Variants in CCDC141 observed in about 807,000 individuals in gnomAD.
CCDC141 encodes coiled-coil domain-containing protein 141.
CCDC141 carries 168 observed loss-of-function variants against 181.0 expected under a neutral mutation model. The observed-to-expected ratio is 0.93, with a 90% CI of 0.82 to 1.05. The LOEUF (loss-of-function observed/expected upper bound fraction) is 1.05. Ranked by LOEUF, CCDC141 falls within the 50% of genes least tolerant of loss-of-function variation. The pLI is 0.00. For missense variants in CCDC141, 1,902 were observed against 1,788.5 expected (o/e 1.06, Z -1.14); for synonymous variants, 666 against 642.3 (o/e 1.04, Z -0.56).
chr2:178,971,912 C>G (rs1690907864), intron 4 of CCDC141, among the ~76,000 whole-genome samples: 1 of 151,912 alleles, frequency 6.6e-6, no homozygotes, highest in Admixed American at 6.6e-5. Flanking sequence ...ACATCACACA[C>G]CGGGGCCTGT....
At chr2:178,932,000 T>C (rs1043017047) in intron 6 of CCDC141, among the ~76,000 whole-genome samples, 3 of 151,956 alleles carry the variant, frequency 2.0e-5, no homozygotes, top group African/African-American at 7.3e-5. Flanking sequence ...ACCCCGTCTC[T>C]ACTAAAAATT....
At chr2:179,018,432 A>T (rs2042605190) in intron 2 of CCDC141, among the ~76,000 whole-genome samples, 1 of 152,192 alleles carries the variant, frequency 6.6e-6, no homozygotes. Context: ...ACAAATTTTT[A>T]AAAACTTGGG....
intron 17 of CCDC141, among the ~76,000 whole-genome samples, chr2:178,861,168 CTTT>C (rs869078606): frequency 6.9e-6 from 1 of 144,684 alleles, no homozygotes; most frequent in Admixed American, 6.9e-5. Context: ...GATGTTTGTG[CTTT>C]TTTTTTTTTC....
At chr2:179,015,766 A>T (rs2042507928) in intron 2 of CCDC141, among the ~76,000 whole-genome samples, 1 of 137,340 alleles carries the variant, frequency 7.3e-6, no homozygotes, top group Non-Finnish European at 1.6e-5. Context: ...CATATATATC[A>T]TATATATCTC....
At chr2:178,918,184 A>G (rs1225444869) in intron 7 of CCDC141, among the ~76,000 whole-genome samples, 3 of 151,934 alleles carry the variant, frequency 2.0e-5, no homozygotes, top group African/African-American at 7.3e-5. Context: ...CCAGCGCAGG[A>G]GGATCACTTG....
At chr2:178,825,357 T>C (rs1205857912), downstream of CCDC141, 2 of 152,142 alleles carry the variant, frequency 1.3e-5, no homozygotes, top group Admixed American at 1.3e-4. Flanking sequence ...GATGACCAAC[T>C]GGTAAATCAT....
At chr2:178,988,212 C>T (rs895516567) in intron 2 of CCDC141, among the ~76,000 whole-genome samples, 12 of 151,280 alleles carry the variant, frequency 7.9e-5, no homozygotes, top group African/African-American at 2.2e-4. Context: ...AGTAAACTAT[C>T]GCAAGAACAA....
chr2:178,860,377 A>G (rs952827602), intron 17 of CCDC141, among the ~76,000 whole-genome samples: 3 of 151,858 alleles, frequency 2.0e-5, no homozygotes, highest in Non-Finnish European at 2.9e-5. Flanking sequence ...TACTAAAAAT[A>G]CAAAAATCAG....
At chr2:178,980,138 G>A (rs542735252) in intron 2 of CCDC141, among the ~76,000 whole-genome samples, 2 of 152,258 alleles carry the variant, frequency 1.3e-5, no homozygotes, top group Admixed American at 1.3e-4. Flanking sequence ...ACAGCTGAAA[G>A]ATGTCAATAA....
intron 2 of CCDC141, among the ~76,000 whole-genome samples, chr2:178,986,682 C>T (rs1691760737): frequency 6.6e-6 from 1 of 151,798 alleles, no homozygotes; most frequent in African/African-American, 2.4e-5. Flanking sequence ...AACAGACAAA[C>T]AGAGAGCCAA....
At chr2:178,891,136 T>C (rs1687129229) in intron 8 of CCDC141, among the ~76,000 whole-genome samples, 1 of 152,222 alleles carries the variant, frequency 6.6e-6, no homozygotes, top group African/African-American at 2.4e-5. Context: ...GTTATACATG[T>C]TACCTTCAGG....
intron 13 of CCDC141, 51 bp downstream of exon 13, chr2:178,872,082 G>T: frequency 6.4e-7 from 1 of 1,566,974 alleles, no homozygotes; most frequent in Admixed American, 1.8e-5. Context: ...GCTCATGTTA[G>T]CCTGTGTCGG....
chr2:179,022,475 C>T (rs568400365), intron 2 of CCDC141, among the ~76,000 whole-genome samples: 1 of 152,162 alleles, frequency 6.6e-6, no homozygotes, highest in East Asian at 1.9e-4. Flanking sequence ...ACCTTGAAGA[C>T]CTAGCTCTCT....
chr2:179,030,238 C>T (rs1208309272), intron 2 of CCDC141, among the ~76,000 whole-genome samples: 1 of 151,986 alleles, frequency 6.6e-6, no homozygotes, highest in Non-Finnish European at 1.5e-5. Flanking sequence ...AATTCATTTT[C>T]CAAATATGCT....
intron 2 of CCDC141, among the ~76,000 whole-genome samples, chr2:179,039,466 A>G (rs2043234661): frequency 6.6e-6 from 1 of 152,116 alleles, no homozygotes; most frequent in Non-Finnish European, 1.5e-5. Context: ...ACTTCCATAT[A>G]TTATTGTATT....
At chr2:179,024,700 G>A (rs940272950) in intron 2 of CCDC141, among the ~76,000 whole-genome samples, 3 of 152,146 alleles carry the variant, frequency 2.0e-5, no homozygotes, top group Admixed American at 6.5e-5. Context: ...TGCTGTTTTC[G>A]ACACTACTCA....
chr2:178,847,796 C>T (rs1685003573), intron 21 of CCDC141, among the ~76,000 whole-genome samples: 3 of 152,070 alleles, frequency 2.0e-5, no homozygotes, highest in Admixed American at 2.0e-4. Flanking sequence ...GAGATGATGC[C>T]TTTGGGAAGT....
chr2:178,946,993 T>A (rs1689759216), intron 5 of CCDC141, among the ~76,000 whole-genome samples: 1 of 152,182 alleles, frequency 6.6e-6, no homozygotes, highest in Non-Finnish European at 1.5e-5. Flanking sequence ...AAGTAGATCA[T>A]CAGGAGGGTG....
intron 23 of CCDC141, among the ~76,000 whole-genome samples, chr2:178,834,743 T>C (rs191739059): frequency 7.8e-4 from 118 of 151,700 alleles, no homozygotes; most frequent in Middle Eastern, 6.8e-3. Flanking sequence ...GGCTAAGTTT[T>C]TTATTTTTTA....
Sources: allele counts gnomAD v4.1 joint callset (sites outside exome capture counted in the v4.1 genomes callset), GRCh38; gene constraint gnomAD v4.1.1; transcripts MANE v1.5; gene names NCBI Gene and HGNC (gene_info 2026-07-23, HGNC 2026-07-21).